The following RTTN variants were observed in gnomAD, a reference collection of about 807,000 sequenced individuals.
RTTN encodes rotatin.
RTTN carries 182 observed loss-of-function variants against 269.2 expected under a neutral mutation model. The ratio of observed to expected loss-of-function variants is 0.68; its 90% CI spans 0.60 to 0.76. The LOEUF is 0.76. Ranked by LOEUF, RTTN falls within the 30% of genes least tolerant of loss-of-function variation. The probability of loss-of-function intolerance (pLI) is 0.00; values close to 1 mark genes in which losing one functional copy is unlikely to be tolerated. For synonymous variants in RTTN, 1,006 were observed against 963.5 expected, an observed-to-expected ratio of 1.04 and a Z score of -0.82; for missense variants, 2,545 against 2,608.6, an observed-to-expected ratio of 0.98 and a Z score of 0.53.
chr18:70,049,641 A>T (rs2057598293), intron 39 of RTTN, among the ~76,000 whole-genome samples: 1 of 152,224 alleles, frequency 6.6e-6, no homozygotes, highest in Non-Finnish European at 1.5e-5. Flanking sequence ...AGCTTAAAAT[A>T]ACTCAATTTT....
chr18:70,114,091 T>C (rs888694113), intron 27 of RTTN, among the ~76,000 whole-genome samples: 3 of 152,156 alleles, frequency 2.0e-5, no homozygotes, highest in Admixed American at 6.5e-5. Flanking sequence ...ACTAGAGATA[T>C]GTATTTGAAA....
intron 29 of RTTN, 35 bp from the exon 30 acceptor site, chr18:70,092,255 G>T: frequency 7.6e-7 from 1 of 1,310,692 alleles, no homozygotes; most frequent in Non-Finnish European, 1.1e-6. Context: ...AATATTTGAG[G>T]TAAGTTTCTA....
At chr18:70,034,673 C>T (rs998904488) in intron 40 of RTTN, among the ~76,000 whole-genome samples, 9 of 152,074 alleles carry the variant, frequency 5.9e-5, no homozygotes, top group African/African-American at 1.7e-4. Context: ...CTATTCAACA[C>T]GGTACTGGAA....
intron 25 of RTTN, among the ~76,000 whole-genome samples, chr18:70,126,090 C>T (rs1447878525): frequency 1.3e-5 from 2 of 152,028 alleles, no homozygotes; most frequent in Non-Finnish European, 2.9e-5. Flanking sequence ...TCTCCACTTA[C>T]ACTAGTCCTG....
chr18:70,065,971 T>A, intron 34 of RTTN, 49 bp from the exon 35 acceptor site: 1 of 1,318,332 alleles, frequency 7.6e-7, no homozygotes, highest in Non-Finnish European at 1.1e-6. Context: ...GTACGGAAAA[T>A]GAAACACAGG....
chr18:70,170,339 T>C (rs775237130), intron 11 of RTTN, among the ~76,000 whole-genome samples: 1 of 152,188 alleles, frequency 6.6e-6, no homozygotes, highest in African/African-American at 2.4e-5. Context: ...TAAATCGATA[T>C]ACTTCCTAAG....
intron 19 of RTTN, among the ~76,000 whole-genome samples, chr18:70,140,452 ACT>A (rs1280267304): frequency 2.0e-5 from 3 of 152,272 alleles, no homozygotes; most frequent in Middle Eastern, 3.4e-3. Context: ...ACTAGTTCAG[ACT>A]CTGAAAACTA....
chr18:70,134,615 C>A (rs2060078322), intron 22 of RTTN, 74 bp from the exon 23 acceptor site: 1 of 1,006,752 alleles, frequency 9.9e-7, no homozygotes, highest in Non-Finnish European at 1.5e-6. Flanking sequence ...ATACAACTTA[C>A]CTCACTTCGT....
intron 14 of RTTN, among the ~76,000 whole-genome samples, chr18:70,155,795 G>A (rs2060659139): frequency 6.6e-6 from 1 of 152,170 alleles, no homozygotes; most frequent in Non-Finnish European, 1.5e-5. Context: ...AAGATTTCAT[G>A]GACATTTATT....
intron 32 of RTTN, among the ~76,000 whole-genome samples, chr18:70,082,246 TG>T (rs1365232750): frequency 6.6e-6 from 1 of 152,176 alleles, no homozygotes; most frequent in Non-Finnish European, 1.5e-5. Context: ...TGGAAAGAAC[TG>T]AAATATTATT....
At chr18:70,069,260 T>C (rs750822084) in intron 34 of RTTN, among the ~76,000 whole-genome samples, 1 of 152,192 alleles carries the variant, frequency 6.6e-6, no homozygotes, top group Non-Finnish European at 1.5e-5. Context: ...AATTTGACTG[T>C]GGTAATCATT....
At chr18:70,140,777 A>T (rs1360387091) in intron 19 of RTTN, among the ~76,000 whole-genome samples, 1 of 151,264 alleles carries the variant, frequency 6.6e-6, no homozygotes, top group Non-Finnish European at 1.5e-5. Flanking sequence ...GTATATACAT[A>T]AAAAAATCTT....
chr18:70,174,190 T>G (rs920574122), intron 11 of RTTN, among the ~76,000 whole-genome samples: 14 of 151,812 alleles, frequency 9.2e-5, no homozygotes, highest in African/African-American at 3.1e-4. Context: ...TGTTTTTTTC[T>G]GATAGCATTT....
intron 32 of RTTN, among the ~76,000 whole-genome samples, chr18:70,079,254 T>C (rs559792633): frequency 5.3e-5 from 8 of 152,214 alleles, no homozygotes; most frequent in Non-Finnish European, 8.8e-5. Flanking sequence ...AAAGTTCAAT[T>C]AGTGCATTCA....
chr18:70,108,461 C>T (rs1368987199), intron 28 of RTTN, among the ~76,000 whole-genome samples: 2 of 152,194 alleles, frequency 1.3e-5, no homozygotes, highest in Non-Finnish European at 1.5e-5. Context: ...GAAAAAGTCA[C>T]GTTCTTACAA....
At chr18:70,101,338 T>C (rs1344933907) in intron 28 of RTTN, among the ~76,000 whole-genome samples, 3 of 152,232 alleles carry the variant, frequency 2.0e-5, no homozygotes, top group East Asian at 3.8e-4. Context: ...TATCCATTTC[T>C]TCTAGATTTT....
Position 70,098,916 on chromosome 18 carries a change from G to A in RTTN, c.3904-6112C>T, listed in dbSNP as rs184305587. On this transcript the variant is annotated intron_variant, in intron 28 of 48. Transcript: ENST00000640769. ...TGTTCGGTTATCTGTCCTTGCGATA[G>A]TTTGCTGAGAACGATGGTTTCCAGC... 4.0e-3 allele frequency among the ~76,000 whole-genome samples: 606 copies of A among 152,306 alleles called. 6 individuals are homozygous for A. The highest frequency in any genetic ancestry group is 0.014 in the African/African-American group (570 of 41,554).
At chr18:70,093,195 T>G (rs998661311) in intron 28 of RTTN, among the ~76,000 whole-genome samples, 1 of 151,638 alleles carries the variant, frequency 6.6e-6, no homozygotes, top group African/African-American at 2.4e-5. Context: ...CAGAGTGAGA[T>G]CCTGTAATTT....
At chr18:70,025,050 C>T (rs1290616491) in intron 43 of RTTN, among the ~76,000 whole-genome samples, 1 of 152,228 alleles carries the variant, frequency 6.6e-6, no homozygotes, top group Non-Finnish European at 1.5e-5. Context: ...GTCGCTTCAA[C>T]ACCAGGGTGG....
Sources: gnomAD v4.1 joint callset for allele counts (sites outside exome capture counted in the v4.1 genomes callset) on GRCh38, gnomAD v4.1.1 for gene constraint, MANE v1.5 for transcripts, NCBI Gene and HGNC (gene_info 2026-07-23, HGNC 2026-07-21) for gene names.